Variants in UBE3D observed in about 807,000 individuals in gnomAD.
UBE3D encodes the protein E3 ubiquitin-protein ligase E3D.
Under a neutral mutation model 49.6 loss-of-function variants are expected in UBE3D, and 48 were observed. That is an observed-to-expected ratio of 0.97 (90% CI 0.77 to 1.23). The LOEUF (loss-of-function observed/expected upper bound fraction) is 1.23, where lower values mean the gene tolerates loss of function less well. UBE3D is among the 50% of genes most tolerant of loss of function. The pLI, the probability that UBE3D is intolerant of heterozygous loss-of-function variation, is 0.00. For synonymous variants in UBE3D, 189 were observed against 174.2 expected (o/e 1.08, Z -0.67); for missense variants, 452 against 468.4 (o/e 0.96, Z 0.32).
At position 83,047,299 on chromosome 6, in the gene UBE3D, C is replaced by T. The variant is rs141144252; in HGVS notation, c.366-2640G>A. Among the ~76,000 whole-genome samples, 151 of 152,278 alleles carry T rather than the reference C, an allele frequency of 9.9e-4. 1 individual carries two copies. The highest frequency in any genetic ancestry group is 3.4e-3 in the African/African-American group (142 of 41,558). On this transcript the variant is annotated intron_variant, in intron 3 of 9. Coordinates refer to ENST00000369747, the MANE Select transcript of UBE3D (RefSeq NM_198920.3). The stretch of plus-strand genomic sequence containing the variant: ...ATGATCCTTGGTTGGTAAACTGCAT[C>T]TGAACCAGGAAGAAATATGAATGAG...
intron 7 of UBE3D, among the ~76,000 whole-genome samples, chr6:83,020,134 C>A (rs894717771): frequency 1.3e-5 from 2 of 151,368 alleles, no homozygotes; most frequent in African/African-American, 4.9e-5. Context: ...TATACAAATT[C>A]TTATATTACA....
At chr6:82,918,098 G>A (rs1435667364) in intron 9 of UBE3D, among the ~76,000 whole-genome samples, 1 of 151,960 alleles carries the variant, frequency 6.6e-6, no homozygotes, top group African/African-American at 2.4e-5. Flanking sequence ...CAAGAACCAA[G>A]GACTCATGTA....
chr6:82,968,943 T>C (rs1164228571), intron 8 of UBE3D, among the ~76,000 whole-genome samples: 1 of 152,186 alleles, frequency 6.6e-6, no homozygotes, highest in African/African-American at 2.4e-5. Context: ...GCCTCAATTA[T>C]TAGGCCTTTT....
chr6:82,926,078 T>G (rs1048987765), intron 9 of UBE3D, among the ~76,000 whole-genome samples: 1 of 152,116 alleles, frequency 6.6e-6, no homozygotes, highest in African/African-American at 2.4e-5. Flanking sequence ...TCAAAAATAT[T>G]TCCTAAAGAA....
chr6:83,061,226 T>C (rs1011760071), intron 1 of UBE3D, among the ~76,000 whole-genome samples: 1 of 152,164 alleles, frequency 6.6e-6, no homozygotes, highest in African/African-American at 2.4e-5. Flanking sequence ...TTGCAAAGTG[T>C]CAGGACCATG....
intron 4 of UBE3D, among the ~76,000 whole-genome samples, chr6:83,043,212 T>G (rs1223458957): frequency 1.3e-5 from 2 of 152,214 alleles, no homozygotes; most frequent in Non-Finnish European, 2.9e-5. Flanking sequence ...AAGGGAAACA[T>G]GGTTTCTCTG....
chr6:82,964,673 C>T (rs920123943), intron 8 of UBE3D, among the ~76,000 whole-genome samples: 3 of 152,030 alleles, frequency 2.0e-5, no homozygotes, highest in African/African-American at 4.8e-5. Flanking sequence ...AAGCAAATTG[C>T]AACAACTTAG....
intron 1 of UBE3D, chr6:83,063,160 C>A: frequency 3.6e-6 from 1 of 280,452 alleles, no homozygotes; most frequent in South Asian, 3.0e-5. Flanking sequence ...TACCTGTAAT[C>A]CCAGCACTTT....
chr6:82,998,440 G>T (rs1026987486), intron 8 of UBE3D, among the ~76,000 whole-genome samples: 1 of 152,046 alleles, frequency 6.6e-6, no homozygotes, highest in Admixed American at 6.6e-5. Context: ...TAAAGATTAC[G>T]CACCTTTTTC....
chr6:83,043,520 A>C (rs1030998767), intron 4 of UBE3D, among the ~76,000 whole-genome samples: 1 of 152,096 alleles, frequency 6.6e-6, no homozygotes, highest in Non-Finnish European at 1.5e-5. Context: ...CAACAACTTA[A>C]CCTCCACATT....
intron 9 of UBE3D, among the ~76,000 whole-genome samples, chr6:82,955,223 C>T (rs899028683): frequency 6.6e-5 from 10 of 152,122 alleles, no homozygotes; most frequent in African/African-American, 2.4e-4. Flanking sequence ...GATTGGTCTT[C>T]CTCCCAAACC....
At chr6:82,952,996 T>C (rs1775911090) in intron 9 of UBE3D, among the ~76,000 whole-genome samples, 1 of 152,208 alleles carries the variant, frequency 6.6e-6, no homozygotes, top group African/African-American at 2.4e-5. Context: ...CTTTTAAGGT[T>C]CTACCTTCCA....
intron 9 of UBE3D, among the ~76,000 whole-genome samples, chr6:82,953,920 C>T (rs1320006152): frequency 6.6e-6 from 1 of 152,180 alleles, no homozygotes; most frequent in Admixed American, 6.5e-5. Flanking sequence ...CGACAAGAAG[C>T]AGGTGGCCAT....
intron 8 of UBE3D, among the ~76,000 whole-genome samples, chr6:82,967,069 C>T (rs1389334304): frequency 6.6e-6 from 1 of 152,110 alleles, no homozygotes; most frequent in East Asian, 1.9e-4. Flanking sequence ...TCAAGCCCCA[C>T]ATGATTTACT....
chr6:82,992,216 C>CTTTTTT (rs386407755), intron 8 of UBE3D, among the ~76,000 whole-genome samples: 50 of 96,748 alleles, frequency 5.2e-4, no homozygotes, highest in South Asian at 7.4e-4. Flanking sequence ...ATCTGCATTC[C>CTTTTTT]TTTTTTTTTT....
chr6:83,015,411 C>A (rs1780628293), intron 8 of UBE3D, among the ~76,000 whole-genome samples: 1 of 152,046 alleles, frequency 6.6e-6, no homozygotes, highest in African/African-American at 2.4e-5. Context: ...TTCAGCTAAC[C>A]AAGCAAATAA....
At chr6:82,887,389 G>GTTTTCGTTTTGTTTTGT in the UBE3D span, among the ~76,000 whole-genome samples, 1 of 98,368 alleles carries the variant, frequency 1.0e-5, no homozygotes, top group African/African-American at 5.1e-5. Flanking sequence ...GACAGTAACA[G>GTTTTCGTTTTGTTTTGT]TTTTTTTTTT....
intron 8 of UBE3D, among the ~76,000 whole-genome samples, chr6:82,971,807 T>C (rs1482316031): frequency 1.3e-5 from 2 of 152,182 alleles, no homozygotes; most frequent in Admixed American, 1.3e-4. Context: ...TCAGGAAATA[T>C]ATTTAATTTA....
intron 5 of UBE3D, among the ~76,000 whole-genome samples, chr6:83,034,383 C>T (rs188918048): frequency 1.8e-4 from 27 of 152,138 alleles, no homozygotes; most frequent in Admixed American, 1.4e-3. Context: ...CTTCTTCCTG[C>T]AGTGAATAAC....
Sources: allele counts gnomAD v4.1 joint callset (sites outside exome capture counted in the v4.1 genomes callset), GRCh38; gene constraint gnomAD v4.1.1; transcripts MANE v1.5; gene names NCBI Gene and HGNC (gene_info 2026-07-23, HGNC 2026-07-21).